Variants in GYPC observed in about 807,000 individuals in gnomAD.
GYPC encodes the protein glycophorin-C.
GYPC carries 14 observed loss-of-function variants against 12.6 expected under a neutral mutation model. The ratio of observed to expected loss-of-function variants is 1.11; its 90% CI spans 0.74 to 1.74. GYPC has a LOEUF of 1.74. Among genes scored for constraint, GYPC ranks in the 40% most tolerant of loss-of-function variants. The probability of loss-of-function intolerance (pLI) is 0.00; values close to 1 mark genes in which losing one functional copy is unlikely to be tolerated. For missense variants in GYPC, 225 were observed against 172.1 expected (o/e 1.31, Z -1.72); for synonymous variants, 78 against 62.1 (o/e 1.26, Z -1.20).
intron 2 of GYPC, among the ~76,000 whole-genome samples, chr2:126,692,914 C>G (rs1167092731): frequency 1.3e-5 from 2 of 152,176 alleles, no homozygotes; most frequent in African/African-American, 2.4e-5. Flanking sequence ...ATCAAGGGCA[C>G]ATCACGTCTC....
intron 1 of GYPC, among the ~76,000 whole-genome samples, chr2:126,662,933 A>T (rs905219449): frequency 1.3e-5 from 2 of 152,132 alleles, no homozygotes; most frequent in African/African-American, 4.8e-5. Context: ...CCCCTTTGCC[A>T]CTGAAAGTCA....
chr2:126,661,799 C>T (rs1386495999), intron 1 of GYPC, among the ~76,000 whole-genome samples: 1 of 152,190 alleles, frequency 6.6e-6, no homozygotes, highest in East Asian at 1.9e-4. Flanking sequence ...TGTGGTCACA[C>T]ACTGCTTGGG....
At chr2:126,665,663 C>T (rs1433100325) in intron 1 of GYPC, among the ~76,000 whole-genome samples, 3 of 152,226 alleles carry the variant, frequency 2.0e-5, no homozygotes, top group East Asian at 1.9e-4. Context: ...GGGATGCCGA[C>T]GCAGGGCAAA....
At chr2:126,670,414 C>T (rs907072589) in intron 1 of GYPC, among the ~76,000 whole-genome samples, 16 of 152,260 alleles carry the variant, frequency 1.1e-4, no homozygotes, top group Non-Finnish European at 1.9e-4. Context: ...ATTGCTGTCT[C>T]GGCCCTGCCA....
intron 1 of GYPC, among the ~76,000 whole-genome samples, chr2:126,688,866 T>A (rs1241665749): frequency 1.3e-5 from 2 of 152,154 alleles, no homozygotes; most frequent in African/African-American, 4.8e-5. Flanking sequence ...AGTGATCATC[T>A]GAGTGGAAAT....
At chr2:126,674,152 A>G (rs188179539) in intron 1 of GYPC, among the ~76,000 whole-genome samples, 4 of 152,234 alleles carry the variant, frequency 2.6e-5, no homozygotes, top group Non-Finnish European at 5.9e-5. Flanking sequence ...TTATTCAAGC[A>G]GATGGAAATG....
At chr2:126,688,523 C>T (rs1398637834) in intron 1 of GYPC, among the ~76,000 whole-genome samples, 1 of 152,190 alleles carries the variant, frequency 6.6e-6, no homozygotes, top group East Asian at 1.9e-4. Flanking sequence ...TGCTATGGCT[C>T]CTGCTTCAGG....
chr2:126,681,251 G>A (rs7580697), intron 1 of GYPC, among the ~76,000 whole-genome samples: 2 of 152,030 alleles, frequency 1.3e-5, no homozygotes, highest in South Asian at 4.2e-4. Context: ...AGAGGGTCCC[G>A]TTTTCTTCAC....
chr2:126,656,732 G>A (rs1392105778), intron 1 of GYPC, among the ~76,000 whole-genome samples: 1 of 152,240 alleles, frequency 6.6e-6, no homozygotes, highest in Admixed American at 6.5e-5. Flanking sequence ...CCAGGCTCCG[G>A]TGAACTCCAG....
intron 1 of GYPC, chr2:126,686,659 G>GA: frequency 1.0e-6 from 1 of 977,038 alleles, no homozygotes; most frequent in African/African-American, 1.9e-5. Context: ...GGGTGTTGCA[G>GA]GGGGCCGGGG....
intron 1 of GYPC, among the ~76,000 whole-genome samples, chr2:126,683,383 C>G (rs1477841851): frequency 6.6e-6 from 1 of 152,162 alleles, no homozygotes; most frequent in Non-Finnish European, 1.5e-5. Flanking sequence ...CCACAGCTGA[C>G]AAAGTCCTCT....
chr2:126,689,899 T>C (rs28369995), intron 1 of GYPC, among the ~76,000 whole-genome samples: 1,575 of 152,354 alleles, frequency 0.01, 15 homozygotes, highest in Non-Finnish European at 0.017. Flanking sequence ...ACAAACATTC[T>C]TTCTTAAACA....
chr2:126,686,289 A>G (rs1683287106), intron 1 of GYPC: 1 of 985,710 alleles, frequency 1.0e-6, no homozygotes, highest in African/African-American at 1.7e-5. Flanking sequence ...CTGCACCCCA[A>G]CAGCTGCACT....
chr2:126,688,759 A>G (rs1223799161), intron 1 of GYPC, among the ~76,000 whole-genome samples: 1 of 151,806 alleles, frequency 6.6e-6, no homozygotes, highest in Non-Finnish European at 1.5e-5. Flanking sequence ...TTTTCCCCTC[A>G]CCCACTATGA....
intron 1 of GYPC, among the ~76,000 whole-genome samples, chr2:126,673,762 C>A (rs1198271365): frequency 6.6e-6 from 1 of 152,166 alleles, no homozygotes; most frequent in Non-Finnish European, 1.5e-5. Context: ...ACTGCCAGAT[C>A]CTCTCCATGA....
At chr2:126,686,975 AAC>A (rs1487351314) in intron 1 of GYPC, among the ~76,000 whole-genome samples, 1 of 152,130 alleles carries the variant, frequency 6.6e-6, no homozygotes, top group East Asian at 1.9e-4. Flanking sequence ...GATGCAGACC[AAC>A]CACCTACTTT....
At position 126,695,930 on chromosome 2, in the gene GYPC, C is replaced by T. The variant is rs761514440; in HGVS notation, c.191-16C>T. The T allele has an allele frequency of 6.2e-7, 1 of 1,611,980 alleles. No individual in the cohort carries two copies. The highest frequency in any genetic ancestry group is 1.1e-5 in the South Asian group (1 of 91,014). ...CCCTGCCTCAGACTGACCCTTGCACCTCTTCCCACCTGCAGGTGTGATTGC... is the reference window on the plus strand; with the variant it reads ...CCCTGCCTCAGACTGACCCTTGCACTTCTTCCCACCTGCAGGTGTGATTGC... On this transcript the variant is annotated splice_polypyrimidine_tract_variant and intron_variant, in intron 3 of 3. Transcript: ENST00000259254.
At chr2:126,684,552 A>G (rs1683233947) in intron 1 of GYPC, among the ~76,000 whole-genome samples, 1 of 152,144 alleles carries the variant, frequency 6.6e-6, no homozygotes, top group Admixed American at 6.5e-5. Context: ...CTCTTCAGGA[A>G]GCCTTTCCTG....
At chr2:126,691,521 G>GC (rs1683464494) in intron 2 of GYPC, among the ~76,000 whole-genome samples, 1 of 152,148 alleles carries the variant, frequency 6.6e-6, no homozygotes, top group Admixed American at 6.6e-5. Context: ...TGGGAGCAGG[G>GC]TAGGCTGAGG....
Sources: allele counts gnomAD v4.1 joint callset (sites outside exome capture counted in the v4.1 genomes callset), GRCh38; gene constraint gnomAD v4.1.1; transcripts MANE v1.5; gene names NCBI Gene and HGNC (gene_info 2026-07-23, HGNC 2026-07-21).